The following MEI4 variants were observed in gnomAD, a reference collection of about 807,000 sequenced individuals.
The protein encoded by MEI4 is meiotic double-stranded break formation protein 4, also known as meiosis-specific protein MEI4.
A neutral mutation model predicts 31.4 loss-of-function variants in MEI4; 27 were observed. The observed-to-expected ratio is 0.86, with a 90% CI of 0.63 to 1.19. MEI4 has a LOEUF of 1.19. Among genes scored for constraint, MEI4 ranks in the 50% most tolerant of loss-of-function variants. MEI4 has a pLI of 0.00. For missense variants in MEI4, 329 were observed against 398.9 expected, an observed-to-expected ratio of 0.82 and a Z score of 1.49; for synonymous variants, 122 against 145.4, an observed-to-expected ratio of 0.84 and a Z score of 1.16.
rs566651360 is a variant in MEI4, at chr6:77,873,494, C to T, written c.900+44432C>T. Among the ~76,000 whole-genome samples, 20 of 152,194 alleles carry T rather than the reference C, an allele frequency of 1.3e-4. No homozygotes were observed. In the East Asian group the frequency reaches 3.9e-3, roughly 29 times the overall value. On this transcript the variant is annotated intron_variant, in intron 4 of 4. Transcript: ENST00000684080. ...AATTCGTTTGAGTTCATTGTAGATT[C>T]TGGATATTAGCCCTTTGTCAGGTGA...
At chr6:77,818,699 C>T (rs116795346) in intron 3 of MEI4, among the ~76,000 whole-genome samples, 65 of 152,106 alleles carry the variant, frequency 4.3e-4, no homozygotes, top group Non-Finnish European at 7.6e-4. Flanking sequence ...TTTACCTATT[C>T]GTACATTGTT....
At chr6:77,732,633 T>C (rs1348934964) in intron 2 of MEI4, among the ~76,000 whole-genome samples, 2 of 147,892 alleles carry the variant, frequency 1.4e-5, no homozygotes, top group Non-Finnish European at 3.0e-5. Context: ...TTCTCCTGCC[T>C]AATTGCCCTG....
chr6:77,715,285 G>A (rs916435648), intron 2 of MEI4, among the ~76,000 whole-genome samples: 4 of 152,106 alleles, frequency 2.6e-5, no homozygotes, highest in Non-Finnish European at 5.9e-5. Flanking sequence ...TAATACTAAA[G>A]CTATGATGTT....
intron 2 of MEI4, chr6:77,716,926 G>C: frequency 1.1e-6 from 1 of 894,194 alleles, no homozygotes; most frequent in Non-Finnish European, 1.3e-6. Flanking sequence ...TCACAGCTTT[G>C]TTGAAAGAAG....
intron 3 of MEI4, among the ~76,000 whole-genome samples, chr6:77,776,633 A>G (rs908293627): frequency 6.6e-6 from 1 of 152,200 alleles, no homozygotes; most frequent in East Asian, 1.9e-4. Context: ...AGCCACATAA[A>G]GAAGGATAAA....
intron 3 of MEI4, among the ~76,000 whole-genome samples, chr6:77,814,272 G>A (rs1769640864): frequency 1.3e-5 from 2 of 152,146 alleles, no homozygotes; most frequent in African/African-American, 2.4e-5. Flanking sequence ...TACAAAGCAG[G>A]CAACAGTTTA....
chr6:77,886,684 C>T (rs1409959503), intron 4 of MEI4, among the ~76,000 whole-genome samples: 3 of 152,144 alleles, frequency 2.0e-5, no homozygotes, highest in African/African-American at 4.8e-5. Flanking sequence ...CTGCCTACTT[C>T]GGCCTCCCAA....
At chr6:77,677,869 ATTTTC>A (rs906309213) in intron 1 of MEI4, among the ~76,000 whole-genome samples, 5 of 152,098 alleles carry the variant, frequency 3.3e-5, no homozygotes, top group Non-Finnish European at 5.9e-5. Context: ...TAAATTAATT[ATTTTC>A]TTTTATTTTC....
chr6:77,817,886 C>T (rs1361796572), intron 3 of MEI4, among the ~76,000 whole-genome samples: 1 of 152,124 alleles, frequency 6.6e-6, no homozygotes, highest in South Asian at 2.1e-4. Flanking sequence ...TCCAACATCT[C>T]CCAGTCCTTG....
intron 2 of MEI4, among the ~76,000 whole-genome samples, chr6:77,744,542 T>A (rs1322630471): frequency 6.6e-6 from 1 of 151,892 alleles, no homozygotes; most frequent in Admixed American, 6.6e-5. Flanking sequence ...TGGAAAACAC[T>A]TTTCAGGATA....
intron 4 of MEI4, among the ~76,000 whole-genome samples, chr6:77,837,702 A>G (rs1270893951): frequency 2.6e-5 from 4 of 152,174 alleles, no homozygotes; most frequent in African/African-American, 7.2e-5. Context: ...AATTCCTGGT[A>G]TATATAAATC....
upstream of MEI4, among the ~76,000 whole-genome samples, chr6:77,650,450 C>T (rs749498387): frequency 2.0e-5 from 3 of 152,236 alleles, no homozygotes; most frequent in Non-Finnish European, 4.4e-5. Context: ...AGCGTTTCCC[C>T]GCTGGCTCTG....
At chr6:77,737,977 C>G (rs936738129) in intron 2 of MEI4, among the ~76,000 whole-genome samples, 1 of 152,120 alleles carries the variant, frequency 6.6e-6, no homozygotes, top group African/African-American at 2.4e-5. Context: ...GTGACTTGAA[C>G]TTGAGAGAAG....
chr6:77,663,795 G>A lies in MEI4; in HGVS notation c.-15+10703G>A, dbSNP rs557790391. Among the ~76,000 whole-genome samples the A allele has an allele frequency of 8.1e-3, 1,232 of 152,272 alleles. 10 individuals carry two copies. The highest frequency in any genetic ancestry group is 0.013 in the Non-Finnish European group (918 of 68,014). ...GTCCGTGATGGTCTAGGGGGCTTCC[G>A]AGGCGATCAGGCAGTGTCAGTCTTC... On this transcript the variant is annotated intron_variant, in intron 1 of 4. Transcript: ENST00000684080.
chr6:77,798,857 G>A (rs1769162495), intron 3 of MEI4, among the ~76,000 whole-genome samples: 1 of 151,890 alleles, frequency 6.6e-6, no homozygotes, highest in African/African-American at 2.4e-5. Context: ...ATTCCATGGT[G>A]TATATGTGCC....
chr6:77,704,276 A>T (rs554523546), intron 2 of MEI4, among the ~76,000 whole-genome samples: 2 of 152,292 alleles, frequency 1.3e-5, no homozygotes, highest in South Asian at 4.1e-4. Context: ...TTTATTCAGA[A>T]ATCTGTGTCC....
At chr6:77,866,939 C>G (rs913527852) in intron 4 of MEI4, among the ~76,000 whole-genome samples, 2 of 152,190 alleles carry the variant, frequency 1.3e-5, no homozygotes, top group African/African-American at 2.4e-5. Context: ...ACCATCTGAT[C>G]TTTGACAACC....
chr6:77,867,402 C>CGT (rs1771064196), intron 4 of MEI4, among the ~76,000 whole-genome samples: 1 of 152,006 alleles, frequency 6.6e-6, no homozygotes, highest in Non-Finnish European at 1.5e-5. Flanking sequence ...AACAAGTCGG[C>CGT]GAAGGATATG....
chr6:77,739,717 A>G (rs1767349567), intron 2 of MEI4, among the ~76,000 whole-genome samples: 1 of 151,984 alleles, frequency 6.6e-6, no homozygotes, highest in Admixed American at 6.6e-5. Context: ...CATGTATCCC[A>G]GAACTTAGAA....
Sources: gnomAD v4.1 joint callset for allele counts (sites outside exome capture counted in the v4.1 genomes callset) on GRCh38, gnomAD v4.1.1 for gene constraint, MANE v1.5 for transcripts, NCBI Gene and HGNC (gene_info 2026-07-23, HGNC 2026-07-21) for gene names.